CD99: variants seen among roughly 807,000 people sequenced by gnomAD.
The protein encoded by CD99 is CD99 antigen.
Under a neutral mutation model 28.4 loss-of-function variants are expected in CD99, and 19 were observed. That is an observed-to-expected ratio of 0.67 (90% CI 0.47 to 0.98). The LOEUF is 0.98. CD99 is among the 50% of genes least tolerant of loss of function. The pLI, the probability that CD99 is intolerant of heterozygous loss-of-function variation, is 0.00. For synonymous variants in CD99, 103 were observed against 92.1 expected (o/e 1.12, Z -0.67); for missense variants, 283 against 248.8 (o/e 1.14, Z -0.92).
rs765835539 is a variant in CD99 at position 2,726,963 on chromosome X, C to G, written c.475+590C>G. On this transcript the variant is annotated intron_variant, in intron 8 of 9. Coordinates refer to ENST00000381192, the MANE Select transcript of CD99 (RefSeq NM_002414.5). ...CCATCCTGGGTAACATGGTGAAACC[C>G]CGTCTCTACTAAAAATACAAAAAAT... 7.2e-4 allele frequency among the ~76,000 whole-genome samples: 110 copies of G among 152,216 alleles called. 2 individuals carry two copies. Among genetic ancestry groups the G allele is most frequent in the Non-Finnish European group, 1.4e-3 (95 of 68,020 alleles).
chrX:2,702,536 TAA>T (rs1473859298), intron 1 of CD99, among the ~76,000 whole-genome samples: 1 of 152,260 alleles, frequency 6.6e-6, no homozygotes, highest in Non-Finnish European at 1.5e-5. Context: ...GCCTGCTTAC[TAA>T]AATGTATTTG....
chrX:2,692,115 C>G, intron 1 of CD99: 2 of 594,958 alleles, frequency 3.4e-6, no homozygotes, highest in Non-Finnish European at 3.0e-6. Context: ...GAAAGAGCCA[C>G]GGTCACCCTC....
In CD99 at chrX:2,728,186, G is replaced by C. The variant is rs183245560; in HGVS notation, c.475+1813G>C. 2.5e-3 allele frequency among the ~76,000 whole-genome samples: 376 copies of C among 150,178 alleles called. 1 individual carries two copies. The highest frequency in any genetic ancestry group is 8.5e-3 in the African/African-American group (346 of 40,744). ...CTGGTGGGCAGACGAGTGGGAAATGGTGTTTGGTTGTTTCTTTTTTTTTTT... is the reference window on the plus strand; with the variant it reads ...CTGGTGGGCAGACGAGTGGGAAATGCTGTTTGGTTGTTTCTTTTTTTTTTT... On this transcript the variant is annotated intron_variant, in intron 8 of 9. Transcript: ENST00000381192.
chrX:2,702,791 T>A (rs1014040137), intron 1 of CD99, among the ~76,000 whole-genome samples: 17 of 152,024 alleles, frequency 1.1e-4, no homozygotes, highest in Non-Finnish European at 1.5e-4. Context: ...TTTTTTTTTT[T>A]ATTTTTTTTG....
Position 2,723,359 on chromosome X carries a change from A to G in CD99, c.356A>G (p.Glu119Gly), listed in dbSNP as rs753924080. Residue 119 changes from glutamate to glycine, a missense_variant, in exon 7 of 10, where the codon GAA (glutamate) becomes GGA (glycine). Transcript: ENST00000381192. ...DGGGSHRKEG[E>G]EADAPGVIPG... ...GGAGGCAGCCACAGGAAAGAAGGGG[A>G]AGAGGGTAGGTGCACCTGGCTTCTG... 51 of 1,613,898 alleles carry G rather than the reference A, an allele frequency of 3.2e-5. No homozygotes were observed. The highest frequency in any genetic ancestry group is 4.3e-5 in the Non-Finnish European group (51 of 1,179,828).
chrX:2,717,688 G>C (rs1161812498), intron 3 of CD99, 36 bp downstream of exon 3: 1 of 1,591,856 alleles, frequency 6.3e-7, no homozygotes, highest in South Asian at 1.1e-5. Context: ...CAAAGAAAAA[G>C]AGCAAATCAT....
chrX:2,731,561 C>G (rs761108861), intron 8 of CD99, among the ~76,000 whole-genome samples: 27 of 152,226 alleles, frequency 1.8e-4, no homozygotes, highest in African/African-American at 6.0e-4. Context: ...TGCACTCCAG[C>G]CTGGGGACAA....
chrX:2,726,798 C>T (rs2049309013), intron 8 of CD99, among the ~76,000 whole-genome samples: 1 of 149,574 alleles, frequency 6.7e-6, no homozygotes, highest in Non-Finnish European at 1.5e-5. Context: ...GAGCCGTGAC[C>T]AGGGGGCCGC....
At chrX:2,707,405 G>A (rs1477121720) in intron 1 of CD99, among the ~76,000 whole-genome samples, 2 of 152,186 alleles carry the variant, frequency 1.3e-5, no homozygotes, top group Non-Finnish European at 2.9e-5. Context: ...GTTTGCCCCG[G>A]TTGAGTGCAT....
chrX:2,714,509 ATATACAGGCATATC>A, intron 2 of CD99, 55 bp downstream of exon 2: 1 of 1,370,522 alleles, frequency 7.3e-7, no homozygotes, highest in African/African-American at 1.4e-5. Context: ...TTAACATAGT[ATATACAGGCATATC>A]CCAGCCATTT....
intron 1 of CD99, among the ~76,000 whole-genome samples, chrX:2,696,655 G>A (rs1378772106): frequency 6.6e-6 from 1 of 152,018 alleles, no homozygotes; most frequent in African/African-American, 2.4e-5. Context: ...CGCCCGCCTC[G>A]GCCTCCTAAA....
At chrX:2,708,018 C>A (rs1046169448) in intron 1 of CD99, among the ~76,000 whole-genome samples, 2 of 152,154 alleles carry the variant, frequency 1.3e-5, no homozygotes, top group African/African-American at 4.8e-5. Flanking sequence ...TACAGAGATT[C>A]CTTTACTGAC....
chrX:2,725,799 A>AAAAAAC (rs2049249773), intron 7 of CD99, among the ~76,000 whole-genome samples: 3 of 152,144 alleles, frequency 2.0e-5, no homozygotes, highest in Non-Finnish European at 4.4e-5. Context: ...TTTTTCGTAG[A>AAAAAAC]GACGGGTTTT....
At chrX:2,716,414 G>A (rs2048721904) in intron 2 of CD99, among the ~76,000 whole-genome samples, 1 of 151,978 alleles carries the variant, frequency 6.6e-6, no homozygotes, top group South Asian at 2.1e-4. Flanking sequence ...TTGGCTCACT[G>A]CAGCCTTGAC....
intron 4 of CD99, 118 bp downstream of exon 4, chrX:2,719,823 A>G (rs1275300013): frequency 5.6e-6 from 6 of 1,067,408 alleles, no homozygotes; most frequent in Non-Finnish European, 8.8e-6. Flanking sequence ...TCACAGTGGA[A>G]ACCTAGGGAA....
At chrX:2,726,213 T>C in intron 7 of CD99, 47 bp from the exon 8 acceptor site, 1 of 1,187,378 alleles carries the variant, frequency 8.4e-7, no homozygotes, top group Non-Finnish European at 1.3e-6. Flanking sequence ...GGATCTTCTC[T>C]GCACCGTGCG....
chrX:2,699,877 C>T (rs1437936761), intron 1 of CD99, among the ~76,000 whole-genome samples: 38 of 152,184 alleles, frequency 2.5e-4, no homozygotes, highest in Non-Finnish European at 5.6e-4. Flanking sequence ...CCATGACCGC[C>T]TCTCGGATGT....
intron 1 of CD99, among the ~76,000 whole-genome samples, chrX:2,692,467 C>T (rs2047369442): frequency 6.6e-6 from 1 of 152,116 alleles, no homozygotes; most frequent in South Asian, 2.1e-4. Flanking sequence ...GTGACTAGGC[C>T]GGGTCTCTAT....
chrX:2,694,276 G>GT (rs1292691427), intron 1 of CD99, among the ~76,000 whole-genome samples: 22 of 148,508 alleles, frequency 1.5e-4, no homozygotes, highest in Admixed American at 1.3e-3. Flanking sequence ...TGTGGGCTTC[G>GT]TTGTTTTTTT....
Sources: gnomAD v4.1 joint callset for allele counts (sites outside exome capture counted in the v4.1 genomes callset) on GRCh38, gnomAD v4.1.1 for gene constraint, MANE v1.5 for transcripts, NCBI Gene and HGNC (gene_info 2026-07-23, HGNC 2026-07-21) for gene names.